WDPCP: variants seen among roughly 807,000 people sequenced by gnomAD.
WDPCP encodes WD repeat-containing and planar cell polarity effector protein fritz homolog.
WDPCP carries 71 observed loss-of-function variants against 93.1 expected under a neutral mutation model. That is an observed-to-expected ratio of 0.76 (90% CI 0.63 to 0.93). The LOEUF is 0.93. Ranked by LOEUF, WDPCP falls within the 40% of genes least tolerant of loss-of-function variation. The probability of loss-of-function intolerance (pLI) is 0.00; values close to 1 mark genes in which losing one functional copy is unlikely to be tolerated. For synonymous variants in WDPCP, 315 were observed against 315.0 expected, an observed-to-expected ratio of 1.00 and a Z score of 0.00; for missense variants, 844 against 887.4, an observed-to-expected ratio of 0.95 and a Z score of 0.62.
intron 1 of WDPCP, among the ~76,000 whole-genome samples, chr2:63,520,424 G>A (rs1021851148): frequency 2.6e-5 from 4 of 152,038 alleles, no homozygotes; most frequent in Non-Finnish European, 5.9e-5. Flanking sequence ...TCATCCCAAA[G>A]ACAAATAGTC....
intron 14 of WDPCP, among the ~76,000 whole-genome samples, chr2:63,191,015 A>G (rs888806971): frequency 1.3e-5 from 2 of 152,246 alleles, no homozygotes; most frequent in Admixed American, 6.5e-5. Context: ...TTAGACTGGG[A>G]GTCCATGTGC....
intron 3 of WDPCP, among the ~76,000 whole-genome samples, chr2:63,636,000 A>G (rs1257781939): frequency 6.6e-6 from 1 of 152,192 alleles, no homozygotes; most frequent in South Asian, 2.1e-4. Flanking sequence ...TCAACAAATG[A>G]AATATAATAT....
chr2:63,363,668 C>A (rs1371244654), intron 12 of WDPCP, among the ~76,000 whole-genome samples: 1 of 152,092 alleles, frequency 6.6e-6, no homozygotes, highest in African/African-American at 2.4e-5. Context: ...TATTAACCTT[C>A]AAATACGTAT....
chr2:63,354,363 A>G (rs1447470387), intron 12 of WDPCP, among the ~76,000 whole-genome samples: 1 of 152,114 alleles, frequency 6.6e-6, no homozygotes, highest in African/African-American at 2.4e-5. Context: ...TGCTGCCTCC[A>G]AGTTGGGGAA....
At chr2:63,153,976 T>C (rs1025532454) in intron 15 of WDPCP, among the ~76,000 whole-genome samples, 4 of 152,046 alleles carry the variant, frequency 2.6e-5, no homozygotes, top group Non-Finnish European at 5.9e-5. Context: ...TAATTCACTT[T>C]TGATGTAGAA....
chr2:63,743,807 A>T (rs1669758119), intron 2 of WDPCP, among the ~76,000 whole-genome samples: 1 of 152,160 alleles, frequency 6.6e-6, no homozygotes. Flanking sequence ...TGCAACTTTA[A>T]TAACATGGAA....
At chr2:63,274,601 G>C (rs558860354) in intron 13 of WDPCP, among the ~76,000 whole-genome samples, 3 of 151,940 alleles carry the variant, frequency 2.0e-5, no homozygotes, top group Non-Finnish European at 4.4e-5. Flanking sequence ...GCTGAAATAA[G>C]ATCAGAAAGG....
At chr2:63,605,681 T>C (rs1464389717) in intron 3 of WDPCP, 3 of 588,370 alleles carry the variant, frequency 5.1e-6, no homozygotes, top group Non-Finnish European at 9.0e-6. Context: ...AATTTTTTTC[T>C]TCTATGCCAC....
intron 3 of WDPCP, among the ~76,000 whole-genome samples, chr2:63,624,609 C>T (rs1709786680): frequency 6.6e-6 from 1 of 152,144 alleles, no homozygotes; most frequent in Non-Finnish European, 1.5e-5. Flanking sequence ...TGCACATATA[C>T]ACCCTCCCAA....
chr2:63,835,618 A>C, the WDPCP span, among the ~76,000 whole-genome samples: 1 of 151,464 alleles, frequency 6.6e-6, no homozygotes, highest in Admixed American at 6.6e-5. Flanking sequence ...CATAGTAGCT[A>C]TGTGATCTAA....
chr2:63,226,124 G>T (rs1678270386), intron 14 of WDPCP, among the ~76,000 whole-genome samples: 1 of 151,864 alleles, frequency 6.6e-6, no homozygotes, highest in African/African-American at 2.4e-5. Flanking sequence ...TGGAACAGGA[G>T]TTTGTGATGA....
At chr2:63,827,077 G>T (rs1357112392) in intron 1 of WDPCP, among the ~76,000 whole-genome samples, 1 of 143,658 alleles carries the variant, frequency 7.0e-6, no homozygotes, top group South Asian at 2.1e-4. Flanking sequence ...ATCCTAGAAA[G>T]ACTCCCTAGT....
In WDPCP at chr2:63,120,413, T is replaced by C. The variant is rs192557671; in HGVS notation, c.*1593A>G. Among the ~76,000 whole-genome samples, 184 of 152,238 alleles carry C rather than the reference T, an allele frequency of 1.2e-3. No homozygotes were observed. The highest frequency in any genetic ancestry group is 2.0e-3 in the Non-Finnish European group (136 of 68,014). ...ATAAATGGGAAGTAGAAAGAAAAAT[T>C]TGAAGTATAAAAGCCTTCAGTCTGA... On this transcript the variant is annotated 3_prime_UTR_variant, in exon 18 of 18. Coordinates refer to ENST00000272321, the MANE Select transcript of WDPCP (RefSeq NM_015910.7).
chr2:63,507,003 G>A (rs1276722709), intron 1 of WDPCP, among the ~76,000 whole-genome samples: 1 of 151,096 alleles, frequency 6.6e-6, no homozygotes, highest in Non-Finnish European at 1.5e-5. Context: ...GAGAGAAGGA[G>A]TTTGGGTGAT....
chr2:63,192,974 A>C (rs1324818550), intron 14 of WDPCP, among the ~76,000 whole-genome samples: 1 of 152,250 alleles, frequency 6.6e-6, no homozygotes. Context: ...AAATATTTAC[A>C]AAGTAGCAGC....
chr2:63,624,154 G>A lies in WDPCP; in HGVS notation n.488+26505C>T, dbSNP rs1038140932. On this transcript the variant is annotated intron_variant and non_coding_transcript_variant, in intron 3 of 4. Transcript: ENST00000467687. ...AAGCCAATGAGAACAAAGACACAAC[G>A]TATCAGAATCTCTGGGGCACTGCTA... Among the ~76,000 whole-genome samples the A allele has an allele frequency of 4.6e-5, 7 of 152,218 alleles. No homozygotes were observed. The East Asian group carries it at 5.8e-4, about 13-fold the overall frequency.
chr2:63,282,446 A>C (rs1443060149), intron 13 of WDPCP, among the ~76,000 whole-genome samples: 1 of 152,212 alleles, frequency 6.6e-6, no homozygotes, highest in Non-Finnish European at 1.5e-5. Context: ...CAGAGGTTGC[A>C]GTGAGCCGAG....
intron 14 of WDPCP, among the ~76,000 whole-genome samples, chr2:63,194,903 C>G (rs570505559): frequency 5.3e-4 from 81 of 152,208 alleles, no homozygotes; most frequent in Non-Finnish European, 4.0e-4. Flanking sequence ...TCAGGAATCA[C>G]AAAATCTGTT....
chr2:63,208,158 C>A (rs578016962), intron 14 of WDPCP, among the ~76,000 whole-genome samples: 33 of 152,170 alleles, frequency 2.2e-4, no homozygotes, highest in African/African-American at 7.9e-4. Flanking sequence ...ATATTGGGGT[C>A]AATTCTCATC....
Sources: gnomAD v4.1 joint callset for allele counts (sites outside exome capture counted in the v4.1 genomes callset) on GRCh38, gnomAD v4.1.1 for gene constraint, MANE v1.5 for transcripts, NCBI Gene and HGNC (gene_info 2026-07-23, HGNC 2026-07-21) for gene names.